The following MALRD1 variants were observed in gnomAD, a reference collection of about 807,000 sequenced individuals.
MALRD1 encodes the protein MAM and LDL-receptor class A domain-containing protein 1.
In MALRD1, 247 loss-of-function variants were observed where a neutral mutation model predicts 242.1. The observed-to-expected ratio is 1.02, with a 90% confidence interval of 0.92 to 1.13. The LOEUF is 1.13. Among genes scored for constraint, MALRD1 ranks in the 50% most tolerant of loss-of-function variants. MALRD1 has a pLI of 0.00. For synonymous variants in MALRD1, 995 were observed against 866.6 expected (o/e 1.15, Z -2.60); for missense variants, 2,989 against 2,533.1 (o/e 1.18, Z -3.86).
At chr10:19,594,494 C>T (rs1206253009) in intron 33 of MALRD1, among the ~76,000 whole-genome samples, 1 of 151,970 alleles carries the variant, frequency 6.6e-6, no homozygotes, top group Non-Finnish European at 1.5e-5. Context: ...GGGTATCTAC[C>T]CCACAAAAAA....
chr10:19,211,724 G>A (rs1211154593), intron 18 of MALRD1, among the ~76,000 whole-genome samples: 1 of 147,522 alleles, frequency 6.8e-6, no homozygotes, highest in Non-Finnish European at 1.5e-5. Context: ...AAAAAGGTTG[G>A]GCAGGGTGAG....
chr10:19,681,339 A>G (rs1225771959), intron 36 of MALRD1, among the ~76,000 whole-genome samples: 1 of 151,948 alleles, frequency 6.6e-6, no homozygotes, highest in Non-Finnish European at 1.5e-5. Context: ...TAGTTCTCTG[A>G]GGTTTTGTTC....
chr10:19,341,048 C>T (rs1232518342), intron 24 of MALRD1, among the ~76,000 whole-genome samples: 7 of 152,056 alleles, frequency 4.6e-5, no homozygotes, highest in Non-Finnish European at 1.5e-5. Context: ...TCCTTGTCAA[C>T]ATAAGCAAAT....
At chr10:19,080,737 G>C (rs934633408) in intron 2 of MALRD1, among the ~76,000 whole-genome samples, 1 of 151,916 alleles carries the variant, frequency 6.6e-6, no homozygotes, top group East Asian at 1.9e-4. Flanking sequence ...AGCACTGAAA[G>C]CAATAGCACC....
Position 19,128,230 on chromosome 10 carries a change from T to C in MALRD1, c.953T>C (p.Val318Ala). The C allele has an allele frequency of 8.1e-7, 1 of 1,233,446 alleles. No homozygotes were observed. The highest frequency in any genetic ancestry group is 1.0e-6 in the Non-Finnish European group (1 of 987,762). 76.4% of individuals were successfully genotyped at this position (1,233,446 alleles called of 1,614,324 possible). ...DQGGDDEGYY[V>A]WVGAKHGFTL... The stretch of plus-strand genomic sequence containing the variant: ...TTCTTTTATCTTTCAGGTTATTATG[T>C]ATGGGTAGGCGCTAAGCATGGTTTC... Residue 318 changes from valine to alanine, a missense_variant, in exon 8 of 40, where the codon GTA becomes GCA. Transcript: ENST00000454679.
At chr10:19,606,584 C>T (rs1397197319) in intron 34 of MALRD1, among the ~76,000 whole-genome samples, 1 of 152,060 alleles carries the variant, frequency 6.6e-6, no homozygotes, top group Non-Finnish European at 1.5e-5. Flanking sequence ...CAAAATGGTG[C>T]AGTAGGTTCA....
chr10:19,254,681 T>C (rs973897600), intron 18 of MALRD1, among the ~76,000 whole-genome samples: 3 of 151,974 alleles, frequency 2.0e-5, no homozygotes, highest in South Asian at 2.1e-4. Context: ...AAATACATTA[T>C]ATTTGAGACA....
chr10:19,659,783 T>G (rs1841334948), intron 36 of MALRD1, among the ~76,000 whole-genome samples: 1 of 152,184 alleles, frequency 6.6e-6, no homozygotes. Context: ...CATTTCTTCC[T>G]GGGTAATTTG....
At chr10:19,586,961 A>G (rs969810761) in intron 33 of MALRD1, among the ~76,000 whole-genome samples, 2 of 152,204 alleles carry the variant, frequency 1.3e-5, no homozygotes, top group Non-Finnish European at 2.9e-5. Context: ...GGAAAAGCGC[A>G]GTATTTGGGT....
At chr10:19,371,092 TAA>T (rs759092754) in intron 26 of MALRD1, among the ~76,000 whole-genome samples, 9 of 123,728 alleles carry the variant, frequency 7.3e-5, no homozygotes, top group African/African-American at 9.2e-5. Context: ...TCTACGAAAT[TAA>T]AAAAAAAAAA....
At chr10:19,544,055 T>C (rs1291355270) in intron 32 of MALRD1, among the ~76,000 whole-genome samples, 1 of 152,204 alleles carries the variant, frequency 6.6e-6, no homozygotes, top group African/African-American at 2.4e-5. Context: ...CTTCTAGTTT[T>C]TTAAATAAAT....
rs1834409255 is a variant in MALRD1, at chr10:19,049,027, T to C, written c.89T>C (p.Leu30Pro). The change falls in exon 1 of 40, where the codon CTG (leucine) becomes CCG (proline). Residue 30 changes from leucine to proline, a missense_variant. Physicochemically the swap from Leu to Pro is moderately conservative, Grantham distance 98. Transcript: ENST00000454679. Reference protein sequence around the residue: ...LWIACVFNSTLAQQGTESFQC... With the variant: ...LWIACVFNSTPAQQGTESFQC... The stretch of plus-strand genomic sequence containing the variant: ...ATTGCCTGTGTTTTCAATTCTACAC[T>C]GGCTCAGCAAGGGACAGAAAGCTTT... The C allele has an allele frequency of 4.9e-6, 6 of 1,233,822 alleles. No individual in the cohort carries two copies. The highest frequency in any genetic ancestry group is 6.1e-6 in the Non-Finnish European group (6 of 988,142). The allele number at this position is 1,233,822 out of a possible 1,614,324, so 76.4% of individuals were successfully genotyped here.
At chr10:19,143,518 A>G (rs556470450) in intron 10 of MALRD1, among the ~76,000 whole-genome samples, 1 of 152,338 alleles carries the variant, frequency 6.6e-6, no homozygotes, top group East Asian at 1.9e-4. Flanking sequence ...TTACCCAAAC[A>G]GGGACTGAGA....
intron 19 of MALRD1, among the ~76,000 whole-genome samples, chr10:19,270,244 G>A (rs1208330573): frequency 6.6e-6 from 1 of 151,934 alleles, no homozygotes; most frequent in East Asian, 1.9e-4. Flanking sequence ...TGAACTGGGA[G>A]GCAGAAGTTG....
chr10:19,238,407 T>TAATAC (rs1838530537), intron 18 of MALRD1, among the ~76,000 whole-genome samples: 1 of 86,862 alleles, frequency 1.2e-5, no homozygotes, highest in African/African-American at 5.1e-5. Flanking sequence ...ATATATTATG[T>TAATAC]ATAATATATA....
intron 1 of MALRD1, among the ~76,000 whole-genome samples, chr10:19,058,303 A>C (rs2131218232): frequency 6.6e-6 from 1 of 152,328 alleles, no homozygotes; most frequent in Middle Eastern, 3.4e-3. Flanking sequence ...AATGAATATG[A>C]GGCAATTTCA....
At chr10:19,405,303 C>T (rs985359429) in intron 28 of MALRD1, among the ~76,000 whole-genome samples, 1 of 152,170 alleles carries the variant, frequency 6.6e-6, no homozygotes, top group Non-Finnish European at 1.5e-5. Flanking sequence ...TCCTCTCCCT[C>T]TTTGAAGTCC....
chr10:19,120,444 A>G (rs564965418), intron 5 of MALRD1, among the ~76,000 whole-genome samples: 2 of 152,304 alleles, frequency 1.3e-5, no homozygotes, highest in East Asian at 3.9e-4. Context: ...CGAAAAAACA[A>G]ACAAACAAAT....
At chr10:19,489,420 T>G in intron 29 of MALRD1, 1 of 570,754 alleles carries the variant, frequency 1.8e-6, no homozygotes, top group Non-Finnish European at 3.4e-6. Flanking sequence ...GTACCATGTC[T>G]TATCAGTGGT....
Sources: gnomAD v4.1 joint callset for allele counts (sites outside exome capture counted in the v4.1 genomes callset) on GRCh38, gnomAD v4.1.1 for gene constraint, MANE v1.5 for transcripts, NCBI Gene and HGNC (gene_info 2026-07-23, HGNC 2026-07-21) for gene names.